The following EQTN variants were observed in gnomAD, a reference collection of about 807,000 sequenced individuals.
EQTN encodes the protein equatorin.
In EQTN, 29 loss-of-function variants were observed where a neutral mutation model predicts 26.9. The ratio of observed to expected loss-of-function variants is 1.08; its 90% CI spans 0.80 to 1.47. The LOEUF (loss-of-function observed/expected upper bound fraction) is 1.47. Among genes scored for constraint, EQTN ranks in the 40% most tolerant of loss-of-function variants. The pLI, the probability that EQTN is intolerant of heterozygous loss-of-function variation, is 0.00. For missense variants in EQTN, 391 were observed against 346.1 expected (o/e 1.13, Z -1.03); for synonymous variants, 129 against 120.0 (o/e 1.07, Z -0.49).
intron 7 of EQTN, among the ~76,000 whole-genome samples, 193 bp from the exon 8 acceptor site, chr9:27,285,165 G>C (rs1449656383): frequency 2.8e-5 from 2 of 71,530 alleles, no homozygotes; most frequent in Non-Finnish European, 5.1e-5. Context: ...TTTTTTTTGA[G>C]ACAGAATCTC....
intron 3 of EQTN, among the ~76,000 whole-genome samples, chr9:27,292,967 T>C (rs377383301): frequency 2.0e-4 from 31 of 152,308 alleles, no homozygotes; most frequent in East Asian, 1.4e-3. Context: ...TCAAGGGTTT[T>C]CAGGTCTAAT....
At position 27,284,984 on chromosome 9, in the gene EQTN, A is replaced by C. The variant is rs753407907; in HGVS notation, c.636-12T>G. 2.5e-6 allele frequency: 4 copies of C among 1,602,740 alleles called. No homozygotes were observed. In the African/African-American group the frequency reaches 5.4e-5, roughly 22 times the overall value. ...CACAACTTTTATAACTGAAGAAGAA[A>C]AGAACATATATCAAGAATTGTTTTT... is the stretch of plus-strand genomic sequence containing the variant. On this transcript the variant is annotated splice_polypyrimidine_tract_variant and intron_variant, in intron 7 of 7. Coordinates refer to ENST00000380032, the MANE Select transcript of EQTN (RefSeq NM_020641.3).
intron 4 of EQTN, 88 bp from the exon 5 acceptor site, chr9:27,291,151 G>C: frequency 8.1e-7 from 1 of 1,228,058 alleles, no homozygotes; most frequent in Non-Finnish European, 1.1e-6. Context: ...TCGTTTGTTA[G>C]TCATTTAGCA....
Position 27,289,641 on chromosome 9 carries a change from C to T in EQTN, c.481+31G>A, listed in dbSNP as rs370549234. 6.4e-6 allele frequency: 10 copies of T among 1,573,060 alleles called. No individual in the cohort carries two copies. In the African/African-American group the frequency reaches 1.4e-4, roughly 21 times the overall value. On this transcript the variant is annotated intron_variant, in intron 6 of 7. Transcript: ENST00000380032. ...CTGGGATTATAGGCATTAGCCACTG[C>T]ACCCAGTCAATTGAAATATTTTGTT... is the stretch of plus-strand genomic sequence containing the variant.
intron 2 of EQTN, 149 bp from the exon 3 acceptor site, chr9:27,294,551 A>G: frequency 2.3e-6 from 1 of 431,172 alleles, no homozygotes; most frequent in East Asian, 3.4e-5. Context: ...CTACAAAATA[A>G]GAAAGTGGGG....
intron 5 of EQTN, 90 bp from the exon 6 acceptor site, chr9:27,289,821 C>G: frequency 1.1e-6 from 1 of 940,084 alleles, no homozygotes; most frequent in Non-Finnish European, 1.6e-6. Flanking sequence ...TTATAGTACC[C>G]AGTGTGTGTA....
intron 3 of EQTN, among the ~76,000 whole-genome samples, chr9:27,293,888 T>A (rs1405408103): frequency 2.6e-5 from 4 of 152,206 alleles, no homozygotes; most frequent in African/African-American, 9.7e-5. Context: ...AATATTGACA[T>A]TGCCATAGCT....
At chr9:27,288,081 C>T (rs1820157554) in intron 6 of EQTN, among the ~76,000 whole-genome samples, 1 of 152,196 alleles carries the variant, frequency 6.6e-6, no homozygotes, top group Non-Finnish European at 1.5e-5. Flanking sequence ...GCTGGGATTA[C>T]AGTACCCAGA....
chr9:27,289,321 A>AT (rs1226259044), intron 6 of EQTN, among the ~76,000 whole-genome samples: 7 of 152,200 alleles, frequency 4.6e-5, no homozygotes, highest in African/African-American at 1.7e-4. Context: ...TGAACAGTGA[A>AT]TGTCCTCTCT....
rs944019859 is a variant in EQTN at position 27,297,074 on chromosome 9, T to C, written c.-19A>G. On this transcript the variant is annotated 5_prime_UTR_variant, in exon 1 of 8. In the 5' UTR this introduces an upstream ATG that the reference lacks. Transcript: ENST00000380032. ...AATTCATTGGGAAATTGAAGTGATT[T>C]ATCCAGTAATCTAGTGCGTCTACCC... 1 of 1,569,550 alleles carries C rather than the reference T, an allele frequency of 6.4e-7. No individual in the cohort carries two copies. Among genetic ancestry groups the C allele is most frequent in the African/African-American group, 1.4e-5 (1 of 73,282 alleles).
At chr9:27,294,561 G>T (rs1820300189) in intron 2 of EQTN, 159 bp from the exon 3 acceptor site, 1 of 417,162 alleles carries the variant, frequency 2.4e-6, no homozygotes, top group Non-Finnish European at 4.3e-6. Context: ...AGAAAGTGGG[G>T]CAAGGGTCAA....
chr9:27,289,229 A>G lies in EQTN; in HGVS notation c.481+443T>C, dbSNP rs965477851. 2.0e-5 allele frequency among the ~76,000 whole-genome samples: 3 copies of G among 152,330 alleles called. No homozygotes were observed. The South Asian group carries it at 6.2e-4, about 32-fold the overall frequency. On this transcript the variant is annotated intron_variant, in intron 6 of 7. Transcript: ENST00000380032. Reference sequence around the variant, plus strand: ...TCACCTCCTCCATTTGGTTTCAGGAATAAATGTTACAAAACAGGAAGGTGG... The same window carrying G: ...TCACCTCCTCCATTTGGTTTCAGGAGTAAATGTTACAAAACAGGAAGGTGG...
chr9:27,292,085 A>G (rs1488565602), intron 4 of EQTN: 1 of 161,666 alleles, frequency 6.2e-6, no homozygotes, highest in Non-Finnish European at 1.3e-5. Context: ...ATTATATTTC[A>G]AATACATTCG....
At chr9:27,286,124 A>G (rs1820113721) in intron 7 of EQTN, 85 bp downstream of exon 7, 1 of 1,344,918 alleles carries the variant, frequency 7.4e-7, no homozygotes, top group Non-Finnish European at 1.0e-6. Flanking sequence ...GAGGTCACAT[A>G]TTCCTAAGAA....
intron 6 of EQTN, 119 bp from the exon 7 acceptor site, chr9:27,286,481 C>G (rs1010727467): frequency 4.2e-6 from 4 of 954,624 alleles, no homozygotes; most frequent in Non-Finnish European, 6.2e-6. Flanking sequence ...ATTAACTGGC[C>G]GGTCTCCCAT....
At position 27,286,329 on chromosome 9, in the gene EQTN, T is replaced by C. The variant is rs754023010; in HGVS notation, c.515A>G (p.Gln172Arg). 1.9e-6 allele frequency: 3 copies of C among 1,603,274 alleles called. No homozygotes were observed. Among genetic ancestry groups the C allele is most frequent in the Non-Finnish European group, 2.6e-6 (3 of 1,174,358 alleles). The change falls in exon 7 of 8, where the codon CAG becomes CGG. Residue 172 changes from glutamine (Q) to arginine (R), a missense_variant. Coordinates refer to ENST00000380032, the MANE Select transcript of EQTN (RefSeq NM_020641.3). ...GATCTTCAGATCCTCTAGATCTGGCTGATTTTCTCCCTGTGTAGCATTCAC... is the reference window on the plus strand; with the variant it reads ...GATCTTCAGATCCTCTAGATCTGGCCGATTTTCTCCCTGTGTAGCATTCAC... ...SDVNATQGEN[Q>R]PDLEDLKIKI...
chr9:27,289,644 C>T (rs1254580479), intron 6 of EQTN, 28 bp downstream of exon 6: 3 of 1,578,564 alleles, frequency 1.9e-6, no homozygotes, highest in Non-Finnish European at 2.6e-6. Context: ...GCCACTGCAC[C>T]CAGTCAATTG....
At chr9:27,286,429 G>T in intron 6 of EQTN, 67 bp from the exon 7 acceptor site, 1 of 1,476,310 alleles carries the variant, frequency 6.8e-7, no homozygotes, top group Non-Finnish European at 9.2e-7. Context: ...AGTAAAGATT[G>T]CAAAGCAAAT....
chr9:27,285,621 T>C (rs1820104009), intron 7 of EQTN, among the ~76,000 whole-genome samples: 1 of 152,150 alleles, frequency 6.6e-6, no homozygotes, highest in Non-Finnish European at 1.5e-5. Context: ...ACAGTTTTAA[T>C]GGACCACAGA....
Sources: gnomAD v4.1 joint callset for allele counts (sites outside exome capture counted in the v4.1 genomes callset) on GRCh38, gnomAD v4.1.1 for gene constraint, MANE v1.5 for transcripts, NCBI Gene and HGNC (gene_info 2026-07-23, HGNC 2026-07-21) for gene names.